SLC24A2: variants seen among roughly 807,000 people sequenced by gnomAD.
The protein encoded by SLC24A2 is solute carrier family 24 member 2.
A neutral mutation model predicts 62.0 loss-of-function variants in SLC24A2; 36 were observed. The observed-to-expected ratio is 0.58, with a 90% confidence interval of 0.44 to 0.77. The LOEUF is 0.77. Among genes scored for constraint, SLC24A2 ranks in the 30% least tolerant of loss-of-function variants. The probability of loss-of-function intolerance (pLI) is 0.00; values close to 1 mark genes in which losing one functional copy is unlikely to be tolerated. For missense variants in SLC24A2, 846 were observed against 817.9 expected, an observed-to-expected ratio of 1.03 and a Z score of -0.42; for synonymous variants, 358 against 294.0, an observed-to-expected ratio of 1.22 and a Z score of -2.23.
the SLC24A2 span, among the ~76,000 whole-genome samples, chr9:20,192,646 C>T: frequency 1.3e-5 from 2 of 152,160 alleles, no homozygotes; most frequent in African/African-American, 2.4e-5. Context: ...TTATTAACCT[C>T]AGCTGCATAT....
the SLC24A2 span, among the ~76,000 whole-genome samples, chr9:20,300,784 G>A: frequency 6.6e-6 from 1 of 152,152 alleles, no homozygotes; most frequent in South Asian, 2.1e-4. Flanking sequence ...ACTTATTAAA[G>A]ACTCTTGGGG....
chr9:19,566,531 A>T (rs1212963139), intron 7 of SLC24A2, among the ~76,000 whole-genome samples: 1 of 151,892 alleles, frequency 6.6e-6, no homozygotes, highest in Non-Finnish European at 1.5e-5. Context: ...AAACTAGTTC[A>T]ACCATTGTGG....
the SLC24A2 span, among the ~76,000 whole-genome samples, chr9:20,165,474 T>C: frequency 1.3e-5 from 2 of 151,714 alleles, no homozygotes; most frequent in East Asian, 1.9e-4. Flanking sequence ...ATCAATGAAA[T>C]AGAACAGAAA....
chr9:19,597,199 C>T, intron 5 of SLC24A2, 30 bp downstream of exon 5: 1 of 1,461,072 alleles, frequency 6.8e-7, no homozygotes, highest in Non-Finnish European at 9.6e-7. Context: ...GTAAAAAAGC[C>T]AATGCATACA....
At position 19,515,661 on chromosome 9, in the gene SLC24A2, A is replaced by G. The variant is rs183482815; in HGVS notation, c.*492T>C. On this transcript the variant is annotated 3_prime_UTR_variant, in exon 11 of 11. Coordinates refer to ENST00000341998, the MANE Select transcript of SLC24A2 (RefSeq NM_020344.4). Reference sequence around the variant, plus strand: ...TAAATATACTAGAGCTATCCCTGAAAAGATGCATTTGTACTTTTATATATA... The same window carrying G: ...TAAATATACTAGAGCTATCCCTGAAGAGATGCATTTGTACTTTTATATATA... 77 of 152,250 alleles carry G rather than the reference A, an allele frequency of 5.1e-4. No individual in the cohort carries two copies. Among genetic ancestry groups the G allele is most frequent in the African/African-American group, 1.8e-3 (76 of 41,478 alleles). 9.4% of individuals were successfully genotyped at this position (152,250 alleles called of 1,614,324 possible).
At chr9:20,197,369 G>A in the SLC24A2 span, among the ~76,000 whole-genome samples, 4 of 146,954 alleles carry the variant, frequency 2.7e-5, no homozygotes, top group Middle Eastern at 3.8e-3. Flanking sequence ...TTTCACCATT[G>A]TAGTTTCTAA....
intron 2 of SLC24A2, among the ~76,000 whole-genome samples, chr9:19,626,257 A>G (rs1818032385): frequency 6.6e-6 from 1 of 152,184 alleles, no homozygotes; most frequent in African/African-American, 2.4e-5. Flanking sequence ...TCACACACAT[A>G]AAAATTAGGC....
chr9:19,908,371 C>A, the SLC24A2 span, among the ~76,000 whole-genome samples: 3 of 152,038 alleles, frequency 2.0e-5, no homozygotes, highest in Admixed American at 6.6e-5. Context: ...AGACCTAAAA[C>A]CATAAAAACC....
chr9:20,122,974 A>T, the SLC24A2 span, among the ~76,000 whole-genome samples: 4 of 152,208 alleles, frequency 2.6e-5, no homozygotes, highest in South Asian at 8.3e-4. Flanking sequence ...GACCAGCAAC[A>T]TCTACTGATC....
intron 5 of SLC24A2, among the ~76,000 whole-genome samples, chr9:19,584,273 TAAAAAAA>T (rs5896848): frequency 1.7e-5 from 2 of 119,944 alleles, no homozygotes; most frequent in African/African-American, 6.3e-5. Context: ...TAGCAAATAG[TAAAAAAA>T]AAAAAAAAAA....
the SLC24A2 span, among the ~76,000 whole-genome samples, chr9:20,228,821 G>C: frequency 1.3e-5 from 2 of 152,138 alleles, no homozygotes; most frequent in Non-Finnish European, 2.9e-5. Flanking sequence ...GGAGCTCCCA[G>C]CTGAGGAAGG....
At chr9:20,137,816 CATA>C in the SLC24A2 span, among the ~76,000 whole-genome samples, 3 of 152,174 alleles carry the variant, frequency 2.0e-5, no homozygotes, top group Non-Finnish European at 4.4e-5. Flanking sequence ...CCACAGGAAT[CATA>C]ATGTTTGCAA....
chr9:19,892,031 G>T, the SLC24A2 span, among the ~76,000 whole-genome samples: 10 of 152,248 alleles, frequency 6.6e-5, no homozygotes, highest in Non-Finnish European at 1.3e-4. Context: ...TTCAGATTGA[G>T]TTCCCTCCCT....
intron 7 of SLC24A2, among the ~76,000 whole-genome samples, chr9:19,563,665 C>A (rs970280273): frequency 6.6e-6 from 1 of 152,152 alleles, no homozygotes; most frequent in East Asian, 1.9e-4. Context: ...AACAAAACTT[C>A]TGATTTTTAT....
the SLC24A2 span, chr9:19,968,103 G>C: frequency 6.6e-6 from 1 of 152,104 alleles, no homozygotes; most frequent in African/African-American, 2.4e-5. Flanking sequence ...CTACCTTATA[G>C]GGTTTGTATT....
intron 2 of SLC24A2, among the ~76,000 whole-genome samples, chr9:19,690,116 G>C (rs1450568111): frequency 6.6e-6 from 1 of 151,882 alleles, no homozygotes; most frequent in African/African-American, 2.4e-5. Flanking sequence ...AATTGTGTGA[G>C]CAATAACCTA....
At chr9:19,995,273 T>C in the SLC24A2 span, among the ~76,000 whole-genome samples, 1 of 152,222 alleles carries the variant, frequency 6.6e-6, no homozygotes, top group Non-Finnish European at 1.5e-5. Flanking sequence ...CAATTCAACA[T>C]TAAACTTTTC....
the SLC24A2 span, among the ~76,000 whole-genome samples, chr9:19,810,805 AT>A: frequency 6.6e-6 from 1 of 152,216 alleles, no homozygotes; most frequent in Non-Finnish European, 1.5e-5. Context: ...TCTTAAAAAA[AT>A]GTGTGAGGTC....
intron 2 of SLC24A2, among the ~76,000 whole-genome samples, chr9:19,669,275 G>A (rs1819345414): frequency 6.6e-6 from 1 of 152,114 alleles, no homozygotes. Context: ...GGTGCAGGAG[G>A]AAATGTGTGA....
Sources: gnomAD v4.1 joint callset for allele counts (sites outside exome capture counted in the v4.1 genomes callset) on GRCh38, gnomAD v4.1.1 for gene constraint, MANE v1.5 for transcripts, NCBI Gene and HGNC (gene_info 2026-07-23, HGNC 2026-07-21) for gene names.